INPP5A: variants seen among roughly 807,000 people sequenced by gnomAD.
INPP5A encodes the protein 43 kDa inositol polyphosphate 5-phophatase.
In INPP5A, 14 loss-of-function variants were observed where a neutral mutation model predicts 65.2. The observed-to-expected ratio is 0.21, with a 90% confidence interval of 0.14 to 0.34. INPP5A has a LOEUF of 0.34. INPP5A is among the 10% of genes least tolerant of loss of function. The probability of loss-of-function intolerance (pLI) is 1.00; values close to 1 mark genes in which losing one functional copy is unlikely to be tolerated. For synonymous variants in INPP5A, 207 were observed against 208.3 expected (o/e 0.99, Z 0.05); for missense variants, 431 against 545.6 (o/e 0.79, Z 2.09).
At chr10:132,726,286 G>A (rs1845982628) in intron 8 of INPP5A, among the ~76,000 whole-genome samples, 1 of 152,226 alleles carries the variant, frequency 6.6e-6, no homozygotes, top group South Asian at 2.1e-4. Flanking sequence ...ACAGGTCTGA[G>A]GGGACATCCC....
Position 132,704,113 on chromosome 10 carries a change from C to G in INPP5A, c.475-4200C>G, listed in dbSNP as rs1427019981. Among the ~76,000 whole-genome samples, 3 of 151,922 alleles carry G rather than the reference C, an allele frequency of 2.0e-5. No homozygotes were observed. Among genetic ancestry groups the G allele is most frequent in the African/African-American group, 7.3e-5 (3 of 41,356 alleles). ...CTGCTGCAGCATCTGGTTCCCAAAG[C>G]ATGTCAGGCCCCCCAGTCCCCCCAG... On this transcript the variant is annotated intron_variant, in intron 6 of 15. Transcript: ENST00000368594. The surrounding 1 kb of genome is among the most constrained non-coding windows in gnomAD (Gnocchi z 4.5).
Position 132,636,219 on chromosome 10 carries a change from T to C in INPP5A, c.118-9649T>C, listed in dbSNP as rs112216774. On this transcript the variant is annotated intron_variant, in intron 2 of 15. Coordinates refer to ENST00000368594, the MANE Select transcript of INPP5A (RefSeq NM_005539.5). The stretch of plus-strand genomic sequence containing the variant: ...CTATACCACACACATATATGCAATG[T>C]AATATTCGGCCATAAAAAGAATGAA... Among the ~76,000 whole-genome samples the C allele has an allele frequency of 8.1e-3, 1,227 of 151,788 alleles. 15 individuals are homozygous for C. The highest frequency in any genetic ancestry group is 0.028 in the African/African-American group (1,177 of 41,366).
chr10:132,604,003 C>T (rs1468383509), intron 1 of INPP5A, among the ~76,000 whole-genome samples: 1 of 149,016 alleles, frequency 6.7e-6, no homozygotes, highest in Non-Finnish European at 1.5e-5. Flanking sequence ...CCGCCCTGTG[C>T]CGTCAGGGTC....
intron 2 of INPP5A, among the ~76,000 whole-genome samples, chr10:132,638,991 A>G (rs1188675190): frequency 6.6e-6 from 1 of 152,198 alleles, no homozygotes; most frequent in Non-Finnish European, 1.5e-5. Context: ...CCCTGCCTAC[A>G]TAGAAAATTG....
chr10:132,624,935 A>G (rs117912559), intron 2 of INPP5A, among the ~76,000 whole-genome samples: 2,261 of 151,782 alleles, frequency 0.015, 31 homozygotes, highest in South Asian at 0.038. Flanking sequence ...ACCTGTCAGC[A>G]GGTGCTGCCC....
chr10:132,699,221 G>A (rs1021488887), intron 6 of INPP5A, among the ~76,000 whole-genome samples: 11 of 152,324 alleles, frequency 7.2e-5, no homozygotes, highest in African/African-American at 1.4e-4. Flanking sequence ...CAGGCCCGTC[G>A]GAAGGGCAGG....
intron 1 of INPP5A, among the ~76,000 whole-genome samples, chr10:132,600,226 T>G (rs964668590): frequency 6.6e-6 from 1 of 152,232 alleles, no homozygotes; most frequent in African/African-American, 2.4e-5. Context: ...CTGAATGCCT[T>G]TAACAGTACT....
intron 8 of INPP5A, among the ~76,000 whole-genome samples, chr10:132,724,928 T>C (rs1845959338): frequency 6.8e-6 from 1 of 147,752 alleles, no homozygotes; most frequent in African/African-American, 2.5e-5. Context: ...CAGACGGGGA[T>C]CACTCTCCAG....
At position 132,547,954 on chromosome 10, in the gene INPP5A, C is replaced by T. The variant is rs553412654; in HGVS notation, c.75+9783C>T. 6.6e-6 allele frequency among the ~76,000 whole-genome samples: 1 copy of T among 151,748 alleles called. No homozygotes were observed. Among genetic ancestry groups the T allele is most frequent in the South Asian group, 2.1e-4 (1 of 4,796 alleles). On this transcript the variant is annotated intron_variant, in intron 1 of 15. Transcript: ENST00000368594. This position sits in a 1 kb window ranked among gnomAD's most constrained non-coding sequence, Gnocchi z 5.5. ...ACACTCCATCACCCAGGCTGGAGTA[C>T]AATGGCGTGATCTCACCTCACTGCG...
In INPP5A at chr10:132,678,415, T is replaced by G. The variant is rs891505034; in HGVS notation, c.307-11977T>G. Reference sequence around the variant, plus strand: ...TTATTACTCAATCTGTTAAATTGTTTCAAAACAAGGTGTCTTGGGACTTGC... The same window carrying G: ...TTATTACTCAATCTGTTAAATTGTTGCAAAACAAGGTGTCTTGGGACTTGC... On this transcript the variant is annotated intron_variant, in intron 4 of 15. Transcript: ENST00000368594. The surrounding 1 kb of genome is among the most constrained non-coding windows in gnomAD (Gnocchi z 4.1). Among the ~76,000 whole-genome samples the G allele has an allele frequency of 6.6e-6, 1 of 152,248 alleles. No individual in the cohort carries two copies. The highest frequency in any genetic ancestry group is 2.4e-5 in the African/African-American group (1 of 41,458).
chr10:132,662,304 T>G (rs369554921), intron 4 of INPP5A, among the ~76,000 whole-genome samples: 1 of 152,174 alleles, frequency 6.6e-6, no homozygotes, highest in Non-Finnish European at 1.5e-5. Context: ...CAGTATTTAC[T>G]TAAGAGAAAT....
chr10:132,628,823 A>C (rs911424168), intron 2 of INPP5A, among the ~76,000 whole-genome samples: 8 of 152,378 alleles, frequency 5.3e-5, no homozygotes, highest in Non-Finnish European at 1.0e-4. Flanking sequence ...TGTAAAGTGC[A>C]TATGTCATTT....
chr10:132,716,068 C>T (rs1350492184), intron 8 of INPP5A, among the ~76,000 whole-genome samples: 2 of 152,224 alleles, frequency 1.3e-5, no homozygotes, highest in East Asian at 1.9e-4. Flanking sequence ...TCCATGGCTG[C>T]GATCTTCATT....
chr10:132,694,515 C>T (rs1043653880), intron 5 of INPP5A, among the ~76,000 whole-genome samples: 1 of 152,062 alleles, frequency 6.6e-6, no homozygotes, highest in East Asian at 1.9e-4. Context: ...AAAGAAAATT[C>T]CAAAGTAAGC....
At chr10:132,553,873 T>G (rs1486583983) in intron 1 of INPP5A, among the ~76,000 whole-genome samples, 1 of 146,914 alleles carries the variant, frequency 6.8e-6, no homozygotes, top group African/African-American at 2.6e-5. Context: ...CTTGGTGGCA[T>G]ATTGGGTAGG....
intron 4 of INPP5A, among the ~76,000 whole-genome samples, chr10:132,668,430 T>C (rs2072835889): frequency 6.6e-6 from 1 of 152,212 alleles, no homozygotes; most frequent in Admixed American, 6.5e-5. Context: ...TTTGACGGAC[T>C]TCTTTTGGCG....
intron 11 of INPP5A, 119 bp from the exon 12 acceptor site, chr10:132,765,654 G>A (rs141624417): frequency 3.5e-4 from 241 of 681,208 alleles, no homozygotes; most frequent in Admixed American, 2.6e-3. Context: ...CAGATGTGGC[G>A]GCTCTGGGAA....
At chr10:132,758,819 G>C (rs1846678602) in intron 11 of INPP5A, among the ~76,000 whole-genome samples, 4 of 152,192 alleles carry the variant, frequency 2.6e-5, no homozygotes, top group African/African-American at 9.7e-5. Flanking sequence ...TGTGGATGTG[G>C]CCCACGTGGG....
chr10:132,782,249 G>T lies in INPP5A; in HGVS notation c.*220G>T, dbSNP rs1393365883. On this transcript the variant is annotated 3_prime_UTR_variant, in exon 16 of 16. Transcript: ENST00000368594. The surrounding 1 kb of genome is among the most constrained non-coding windows in gnomAD (Gnocchi z 4.4). ...CTATGTGACATTAAGTAGAAATATT[G>T]GTTTTTTTTTTTTTTTTTTAAATAA... 1.7e-5 allele frequency: 6 copies of T among 353,802 alleles called. No individual in the cohort carries two copies. The highest frequency in any genetic ancestry group is 5.2e-5 in the South Asian group (2 of 38,650). 21.9% of individuals were successfully genotyped at this position (353,802 alleles called of 1,614,324 possible).
Sources: gnomAD v4.1 joint callset for allele counts (sites outside exome capture counted in the v4.1 genomes callset) on GRCh38, gnomAD v4.1.1 for gene constraint, Gnocchi (gnomAD v3.1) non-coding constraint, MANE v1.5 for transcripts, NCBI Gene and HGNC (gene_info 2026-07-23, HGNC 2026-07-21) for gene names.